Variants in R3HDM2 observed in about 807,000 individuals in gnomAD.
The protein encoded by R3HDM2 is R3H domain containing 2.
R3HDM2 carries 38 observed loss-of-function variants against 124.5 expected under a neutral mutation model. The ratio of observed to expected loss-of-function variants is 0.31; its 90% CI spans 0.24 to 0.40. The LOEUF is 0.40. Ranked by LOEUF, R3HDM2 falls within the 10% of genes least tolerant of loss-of-function variation. The pLI is 1.00. For synonymous variants in R3HDM2, 391 were observed against 448.0 expected (o/e 0.87, Z 1.61); for missense variants, 869 against 1,236.9 (o/e 0.70, Z 4.46).
intron 19 of R3HDM2, among the ~76,000 whole-genome samples, chr12:57,264,787 C>T (rs1369750764): frequency 6.6e-6 from 1 of 152,118 alleles, no homozygotes; most frequent in East Asian, 1.9e-4. Flanking sequence ...AAAGCACATG[C>T]CACCATGCCC....
chr12:57,399,543 T>C (rs1342964852), intron 1 of R3HDM2, among the ~76,000 whole-genome samples: 1 of 152,222 alleles, frequency 6.6e-6, no homozygotes, highest in East Asian at 1.9e-4. Context: ...TTAGTTCCTA[T>C]TTCTATCAAA....
At chr12:57,268,243 T>C in intron 18 of R3HDM2, 60 bp downstream of exon 18, 8 of 1,561,838 alleles carry the variant, frequency 5.1e-6, no homozygotes, top group Non-Finnish European at 7.0e-6. Flanking sequence ...AAAACCATGA[T>C]GCAACTGTTG....
At chr12:57,360,686 G>A (rs533327805) in intron 2 of R3HDM2, among the ~76,000 whole-genome samples, 3 of 151,266 alleles carry the variant, frequency 2.0e-5, no homozygotes, top group South Asian at 4.2e-4. Context: ...AAGGAAAGGC[G>A]AAAGGAAAAA....
intron 2 of R3HDM2, among the ~76,000 whole-genome samples, chr12:57,330,983 C>T (rs2058113457): frequency 1.3e-5 from 2 of 152,204 alleles, no homozygotes; most frequent in Admixed American, 1.3e-4. Context: ...CAGGCGTGAG[C>T]CACCGTGCCC....
At chr12:57,336,961 AT>A (rs1173715481) in intron 2 of R3HDM2, among the ~76,000 whole-genome samples, 1 of 152,172 alleles carries the variant, frequency 6.6e-6, no homozygotes, top group Non-Finnish European at 1.5e-5. Context: ...TTTCAAATAA[AT>A]TTTTGAAAAT....
chr12:57,296,613 T>C lies in R3HDM2; in HGVS notation c.561-62A>G. The C allele has an allele frequency of 6.7e-7, 1 of 1,493,274 alleles. No individual in the cohort carries two copies. 92.5% of individuals were successfully genotyped at this position (1,493,274 alleles called of 1,614,324 possible). On this transcript the variant is annotated intron_variant, in intron 8 of 23. Coordinates refer to ENST00000402412, the MANE Select transcript of R3HDM2 (RefSeq NM_001394031.1). This position sits in a 1 kb window ranked among gnomAD's most constrained non-coding sequence, Gnocchi z 4.5. ...CAAACAACTGCAATAACAACCAATT[T>C]TAATTTTTCTTACAAGTGTCTAAAG...
At chr12:57,267,226 A>C (rs1346737559) in intron 18 of R3HDM2, among the ~76,000 whole-genome samples, 4 of 152,202 alleles carry the variant, frequency 2.6e-5, no homozygotes, top group African/African-American at 4.8e-5. Context: ...AAAAAAAAAA[A>C]ACACAAAAAC....
chr12:57,429,453 C>T (rs1323245474), intron 1 of R3HDM2, among the ~76,000 whole-genome samples: 2 of 152,062 alleles, frequency 1.3e-5, no homozygotes, highest in African/African-American at 2.4e-5. Flanking sequence ...TTGTCTTTCC[C>T]GGCGCGGTGG....
intron 1 of R3HDM2, among the ~76,000 whole-genome samples, chr12:57,423,111 G>A (rs965648380): frequency 1.3e-5 from 2 of 152,118 alleles, no homozygotes; most frequent in Non-Finnish European, 2.9e-5. Flanking sequence ...AAAAACAACA[G>A]AGTAAGAAAA....
intron 17 of R3HDM2, chr12:57,268,718 T>C (rs2042987502): frequency 1.4e-6 from 1 of 724,976 alleles, no homozygotes; most frequent in African/African-American, 1.8e-5. Flanking sequence ...ATATACTCAT[T>C]CCATGGCTGT....
At chr12:57,327,421 C>T (rs1023350839) in intron 2 of R3HDM2, among the ~76,000 whole-genome samples, 11 of 148,822 alleles carry the variant, frequency 7.4e-5, no homozygotes, top group Non-Finnish European at 1.6e-4. Flanking sequence ...GAGCCGAGAT[C>T]GCGCCATTGC....
intron 2 of R3HDM2, among the ~76,000 whole-genome samples, chr12:57,340,143 T>C (rs965121124): frequency 2.0e-5 from 3 of 152,204 alleles, no homozygotes; most frequent in Non-Finnish European, 4.4e-5. Context: ...AGAAAGACTT[T>C]AGGTCTATCT....
At chr12:57,331,543 G>C (rs760900468) in intron 2 of R3HDM2, among the ~76,000 whole-genome samples, 1 of 152,150 alleles carries the variant, frequency 6.6e-6, no homozygotes, top group Non-Finnish European at 1.5e-5. Context: ...ACAGGGTCTA[G>C]AATAGTGCCT....
At chr12:57,338,044 C>T (rs1278799752) in intron 2 of R3HDM2, among the ~76,000 whole-genome samples, 5 of 152,216 alleles carry the variant, frequency 3.3e-5, no homozygotes, top group Non-Finnish European at 7.3e-5. Context: ...TGGCTCACGC[C>T]TGTAATCTCA....
intron 1 of R3HDM2, among the ~76,000 whole-genome samples, chr12:57,426,896 T>C (rs1265863457): frequency 6.6e-6 from 1 of 151,562 alleles, no homozygotes; most frequent in African/African-American, 2.4e-5. Context: ...ATGGAAAGAG[T>C]TCAAGGAAAA....
chr12:57,389,718 C>T (rs1264399617), intron 2 of R3HDM2, among the ~76,000 whole-genome samples: 1 of 152,164 alleles, frequency 6.6e-6, no homozygotes, highest in Non-Finnish European at 1.5e-5. Flanking sequence ...ATTTTATAAA[C>T]ATGACCATAT....
intron 2 of R3HDM2, among the ~76,000 whole-genome samples, chr12:57,352,589 C>T (rs1260827155): frequency 2.0e-5 from 3 of 151,122 alleles, no homozygotes; most frequent in Non-Finnish European, 4.4e-5. Flanking sequence ...GCCTCCTGCA[C>T]TCAGGCAATT....
intron 2 of R3HDM2, among the ~76,000 whole-genome samples, chr12:57,376,216 T>TGAA (rs1459492484): frequency 2.0e-5 from 3 of 152,220 alleles, no homozygotes; most frequent in Admixed American, 2.0e-4. Context: ...CATACCTACC[T>TGAA]GAAGAGCCTT....
chr12:57,280,590 T>C lies in R3HDM2; in HGVS notation c.1172-60A>G. 4 of 1,455,226 alleles carry C rather than the reference T, an allele frequency of 2.7e-6. No individual in the cohort carries two copies. The South Asian group carries it at 5.5e-5, about 20-fold the overall frequency. The allele number at this position is 1,455,226 out of a possible 1,614,324, so 90.1% of individuals were successfully genotyped here. A position where few individuals can be genotyped will look rare whatever the true frequency, so the allele number is the denominator to read the frequency against. ...GCATAAGCCACGAACACATTATCCC[T>C]GGAAGCTTAGTCAGAGGGCTCTACT... On this transcript the variant is annotated intron_variant, in intron 13 of 23. Coordinates refer to ENST00000402412, the MANE Select transcript of R3HDM2 (RefSeq NM_001394031.1).
Sources: allele counts gnomAD v4.1 joint callset (sites outside exome capture counted in the v4.1 genomes callset), GRCh38; gene constraint gnomAD v4.1.1; non-coding constraint Gnocchi (gnomAD v3.1); transcripts MANE v1.5; gene names NCBI Gene and HGNC (gene_info 2026-07-23, HGNC 2026-07-21).